RAB3GAP2: variants seen among roughly 807,000 people sequenced by gnomAD.
RAB3GAP2 encodes rab3 GTPase-activating protein non-catalytic subunit.
Under a neutral mutation model 185.3 loss-of-function variants are expected in RAB3GAP2, and 87 were observed. The observed-to-expected ratio is 0.47, with a 90% confidence interval of 0.39 to 0.56. RAB3GAP2 has a LOEUF of 0.56. RAB3GAP2 is among the 20% of genes least tolerant of loss of function. RAB3GAP2 has a pLI of 0.00. For synonymous variants in RAB3GAP2, 554 were observed against 576.1 expected (o/e 0.96, Z 0.55); for missense variants, 1,492 against 1,638.2 (o/e 0.91, Z 1.54).
At chr1:220,200,957 T>C (rs1658844289) in intron 9 of RAB3GAP2, among the ~76,000 whole-genome samples, 2 of 152,182 alleles carry the variant, frequency 1.3e-5, no homozygotes, top group African/African-American at 4.8e-5. Flanking sequence ...TAAAAGTGTA[T>C]GGTGTGCTGG....
chr1:220,238,673 C>T (rs1659638446), intron 1 of RAB3GAP2, among the ~76,000 whole-genome samples: 1 of 152,194 alleles, frequency 6.6e-6, no homozygotes, highest in Non-Finnish European at 1.5e-5. Context: ...CACCCATTAA[C>T]TAAATGCCTC....
At chr1:220,253,404 A>G (rs1659974028) in intron 1 of RAB3GAP2, among the ~76,000 whole-genome samples, 1 of 152,192 alleles carries the variant, frequency 6.6e-6, no homozygotes, top group Non-Finnish European at 1.5e-5. Flanking sequence ...AGTAAACTGC[A>G]GCAACCCTAT....
Position 220,148,690 on chromosome 1 carries a change from AAC to A in RAB3GAP2, c.*2559_*2560del, listed in dbSNP as rs1288802230. The A allele has an allele frequency of 6.6e-6, 1 of 152,224 alleles. No homozygotes were observed. Among genetic ancestry groups the A allele is most frequent in the South Asian group, 2.1e-4 (1 of 4,834 alleles). 9.4% of individuals were successfully genotyped at this position (152,224 alleles called of 1,614,324 possible). The stretch of plus-strand genomic sequence containing the variant: ...TGTTTTTAAAAAGCAATTTAAATGT[AAC>A]AGTGTTTACTTTGACCATAGATGAA... On this transcript the variant is annotated 3_prime_UTR_variant, in exon 35 of 35. Transcript: ENST00000358951.
Position 220,150,219 on chromosome 1 carries a change from A to G in RAB3GAP2, c.*1032T>C, listed in dbSNP as rs1657723336. ...CCCGAGTAGCTATAGTTTGGTTTTA[A>G]TCAGTAAATATTTATTTAGCACTTG... On this transcript the variant is annotated 3_prime_UTR_variant, in exon 35 of 35. Transcript: ENST00000358951. 2 of 151,608 alleles carry G rather than the reference A, an allele frequency of 1.3e-5. No homozygotes were observed. Among genetic ancestry groups the G allele is most frequent in the African/African-American group, 4.9e-5 (2 of 41,170 alleles). 9.4% of individuals were successfully genotyped at this position (151,608 alleles called of 1,614,324 possible).
chr1:220,244,545 AG>A (rs1659761054), intron 1 of RAB3GAP2, among the ~76,000 whole-genome samples: 1 of 152,190 alleles, frequency 6.6e-6, no homozygotes, highest in South Asian at 2.1e-4. Flanking sequence ...TCACAGAACT[AG>A]AAAAAAAATC....
At chr1:220,154,647 G>A (rs1657824002) in intron 31 of RAB3GAP2, among the ~76,000 whole-genome samples, 1 of 150,446 alleles carries the variant, frequency 6.6e-6, no homozygotes, top group Non-Finnish European at 1.5e-5. Flanking sequence ...ATAAATATTT[G>A]TTATTTTCAG....
At chr1:220,179,910 T>C (rs1017906724) in intron 21 of RAB3GAP2, among the ~76,000 whole-genome samples, 1 of 152,072 alleles carries the variant, frequency 6.6e-6, no homozygotes, top group Admixed American at 6.6e-5. Context: ...ACGCCTGTAA[T>C]CCCAGCACTT....
intron 33 of RAB3GAP2, among the ~76,000 whole-genome samples, chr1:220,152,571 T>C (rs1657777882): frequency 6.6e-6 from 1 of 152,230 alleles, no homozygotes; most frequent in African/African-American, 2.4e-5. Context: ...TTGTAATTCT[T>C]GTCTCAAGCA....
chr1:220,186,213 C>A (rs1372764798), intron 17 of RAB3GAP2, among the ~76,000 whole-genome samples: 1 of 152,134 alleles, frequency 6.6e-6, no homozygotes, highest in Non-Finnish European at 1.5e-5. Context: ...AGTACCCACC[C>A]TTCCCTACCT....
chr1:220,153,827 C>T (rs901566929), intron 32 of RAB3GAP2, 141 bp downstream of exon 32: 1 of 1,165,234 alleles, frequency 8.6e-7, no homozygotes, highest in Non-Finnish European at 1.2e-6. Flanking sequence ...GTTCAACTCC[C>T]ACCTATGAGT....
intron 18 of RAB3GAP2, among the ~76,000 whole-genome samples, chr1:220,185,347 C>G (rs1658489056): frequency 1.3e-5 from 2 of 152,102 alleles, no homozygotes; most frequent in Admixed American, 1.3e-4. Flanking sequence ...ACGAGGGAAA[C>G]TGATACACTG....
In RAB3GAP2 at chr1:220,254,410, G is replaced by A. The variant is rs1659996660; in HGVS notation, c.115+17813C>T. ...AATGTTGGCCTATACACCTCTGGATGAGAAGAGCCTTGCTTTATTACTCAA... is the reference window on the plus strand; with the variant it reads ...AATGTTGGCCTATACACCTCTGGATAAGAAGAGCCTTGCTTTATTACTCAA... On this transcript the variant is annotated intron_variant, in intron 1 of 34. Coordinates refer to ENST00000358951, the MANE Select transcript of RAB3GAP2 (RefSeq NM_012414.4). The A allele has an allele frequency of 3.1e-6, 5 of 1,612,832 alleles. No individual in the cohort carries two copies. The South Asian group carries it at 4.4e-5, about 14-fold the overall frequency.
At chr1:220,164,516 C>G (rs182992043) in intron 27 of RAB3GAP2, among the ~76,000 whole-genome samples, 1 of 145,498 alleles carries the variant, frequency 6.9e-6, no homozygotes, top group East Asian at 2.0e-4. Context: ...CACTCTGTCA[C>G]CCAGGCTGGA....
At chr1:220,239,516 C>T (rs546998522) in intron 1 of RAB3GAP2, among the ~76,000 whole-genome samples, 42 of 152,288 alleles carry the variant, frequency 2.8e-4, no homozygotes, top group African/African-American at 9.9e-4. Context: ...CAGACATGAG[C>T]CACTGCACCC....
In RAB3GAP2 at chr1:220,267,400, C is replaced by T; in HGVS notation, c.115+4823G>A. 3 of 1,288,550 alleles carry T rather than the reference C, an allele frequency of 2.3e-6. No homozygotes were observed. In the South Asian group the frequency reaches 3.6e-5, roughly 15 times the overall value. 79.8% of individuals were successfully genotyped at this position (1,288,550 alleles called of 1,614,324 possible). A position where few individuals can be genotyped will look rare whatever the true frequency, so the allele number is the denominator to read the frequency against. The stretch of plus-strand genomic sequence containing the variant: ...TTCTCTTCTGAGTTGATGCTCCACT[C>T]CTGCTTTCTCCAGCTGAGCTTTAAA... On this transcript the variant is annotated intron_variant, in intron 1 of 34. Transcript: ENST00000358951.
chr1:220,191,806 GA>G (rs1558150256), intron 13 of RAB3GAP2, among the ~76,000 whole-genome samples: 1 of 149,382 alleles, frequency 6.7e-6, no homozygotes, highest in East Asian at 2.0e-4. Context: ...CAACAAGAGC[GA>G]AACTCTCTAA....
chr1:220,228,929 T>G (rs1659451249), intron 2 of RAB3GAP2, among the ~76,000 whole-genome samples: 1 of 152,244 alleles, frequency 6.6e-6, no homozygotes. Flanking sequence ...GTTCTACATG[T>G]CAGTATTTTT....
chr1:220,154,422 A>G, intron 31 of RAB3GAP2: 1 of 229,076 alleles, frequency 4.4e-6, no homozygotes, highest in Non-Finnish European at 8.7e-6. Flanking sequence ...CTTGTTCTGC[A>G]GGAAGCCAGG....
chr1:220,171,899 G>A lies in RAB3GAP2; in HGVS notation c.2567C>T (p.Thr856Ile). ...SVAAQISNNMTEKKFSQTVLG... is the reference protein window; with the variant it reads ...SVAAQISNNMIEKKFSQTVLG... Reference sequence around the variant, plus strand: ...CCTTTACCCACTTACTTTTTTCTCTGTCATGTTGTTTGATATCTGTGCAGC... The same window carrying A: ...CCTTTACCCACTTACTTTTTTCTCTATCATGTTGTTTGATATCTGTGCAGC... Residue 856 changes from threonine (T) to isoleucine (I), a missense_variant, in exon 23 of 35, where the codon ACA becomes ATA. Physicochemically the swap from Thr to Ile is moderately conservative, Grantham distance 89. This residue lies in a region of RAB3GAP2 where 681 missense variants were observed against 689.1 expected (regional missense o/e 0.99). Coordinates refer to ENST00000358951, the MANE Select transcript of RAB3GAP2 (RefSeq NM_012414.4). 1.2e-6 allele frequency: 2 copies of A among 1,613,868 alleles called. No individual in the cohort carries two copies. The highest frequency in any genetic ancestry group is 1.7e-6 in the Non-Finnish European group (2 of 1,179,980).
Sources: gnomAD v4.1 joint callset for allele counts (sites outside exome capture counted in the v4.1 genomes callset) on GRCh38, gnomAD v4.1.1 for gene constraint, gnomAD v4.1.1 regional missense constraint, MANE v1.5 for transcripts, NCBI Gene and HGNC (gene_info 2026-07-23, HGNC 2026-07-21) for gene names.